The following SLC39A11 variants were observed in gnomAD, a reference collection of about 807,000 sequenced individuals.
The protein encoded by SLC39A11 is zinc transporter ZIP11.
A neutral mutation model predicts 36.1 loss-of-function variants in SLC39A11; 33 were observed. The ratio of observed to expected loss-of-function variants is 0.91; its 90% CI spans 0.69 to 1.22. SLC39A11 has a LOEUF of 1.22. SLC39A11 is among the 50% of genes most tolerant of loss of function. The pLI, the probability that SLC39A11 is intolerant of heterozygous loss-of-function variation, is 0.00. For missense variants in SLC39A11, 432 were observed against 430.3 expected, an observed-to-expected ratio of 1.00 and a Z score of -0.03; for synonymous variants, 166 against 170.3, an observed-to-expected ratio of 0.97 and a Z score of 0.20.
intron 6 of SLC39A11, among the ~76,000 whole-genome samples, chr17:72,835,353 C>G (rs527972700): frequency 6.6e-6 from 1 of 152,302 alleles, no homozygotes; most frequent in African/African-American, 2.4e-5. Flanking sequence ...TTTTGAGGAT[C>G]AAAGCAAGTT....
At chr17:73,004,030 A>G (rs565176205) in intron 4 of SLC39A11, among the ~76,000 whole-genome samples, 13 of 151,572 alleles carry the variant, frequency 8.6e-5, no homozygotes, top group East Asian at 7.8e-4. Context: ...AGGTTGCAGT[A>G]AGCCAAGATC....
intron 5 of SLC39A11, among the ~76,000 whole-genome samples, chr17:72,877,105 CA>C (rs1303599006): frequency 6.6e-6 from 1 of 152,166 alleles, no homozygotes; most frequent in Non-Finnish European, 1.5e-5. Flanking sequence ...TCAAAAGAGC[CA>C]AAAGAATCAT....
At chr17:72,899,518 T>G (rs1321592750) in intron 5 of SLC39A11, among the ~76,000 whole-genome samples, 2 of 152,164 alleles carry the variant, frequency 1.3e-5, no homozygotes, top group Non-Finnish European at 2.9e-5. Context: ...TTCCCCTCAT[T>G]ACTCTAACAC....
At chr17:72,866,213 G>A (rs563378158) in intron 5 of SLC39A11, among the ~76,000 whole-genome samples, 28 of 152,254 alleles carry the variant, frequency 1.8e-4, no homozygotes, top group Non-Finnish European at 2.8e-4. Flanking sequence ...ACAGGACCAC[G>A]AACCATATTG....
intron 7 of SLC39A11, among the ~76,000 whole-genome samples, chr17:72,700,596 C>T (rs1444081036): frequency 6.6e-6 from 1 of 152,186 alleles, no homozygotes; most frequent in African/African-American, 2.4e-5. Context: ...CAATCCAAGG[C>T]AAGGGCAAGA....
intron 5 of SLC39A11, among the ~76,000 whole-genome samples, chr17:72,866,140 C>A (rs1302766177): frequency 6.6e-6 from 1 of 152,198 alleles, no homozygotes; most frequent in African/African-American, 2.4e-5. Flanking sequence ...CAGCCGCTCC[C>A]CATCGTTCAC....
chr17:72,953,878 G>A (rs1004794013), intron 4 of SLC39A11, among the ~76,000 whole-genome samples: 9 of 152,166 alleles, frequency 5.9e-5, no homozygotes, highest in African/African-American at 1.2e-4. Context: ...GATTGTCAGC[G>A]TCTGGGAGGC....
chr17:72,817,778 A>G (rs1453666520), intron 6 of SLC39A11: 1 of 152,192 alleles, frequency 6.6e-6, no homozygotes, highest in Non-Finnish European at 1.5e-5. Flanking sequence ...TCTTGTCCCC[A>G]TGGTGGTCTG....
chr17:73,008,390 C>T (rs2090313315), intron 4 of SLC39A11, among the ~76,000 whole-genome samples: 1 of 152,156 alleles, frequency 6.6e-6, no homozygotes, highest in East Asian at 1.9e-4. Flanking sequence ...AAGCTCTACC[C>T]AAACAACCAC....
intron 3 of SLC39A11, among the ~76,000 whole-genome samples, chr17:73,040,839 G>T (rs1012995866): frequency 1.3e-5 from 2 of 151,892 alleles, no homozygotes; most frequent in Non-Finnish European, 2.9e-5. Context: ...ACAAAAATTA[G>T]CCAGGTGTGG....
At chr17:72,973,527 T>C (rs2087615208) in intron 4 of SLC39A11, among the ~76,000 whole-genome samples, 1 of 152,126 alleles carries the variant, frequency 6.6e-6, no homozygotes, top group Non-Finnish European at 1.5e-5. Context: ...TCAAACAGAA[T>C]TGGAGTTCTG....
rs548375808 is a variant in SLC39A11 at position 72,824,101 on chromosome 17, C to G, written c.601+25533G>C. Among the ~76,000 whole-genome samples, 3 of 151,362 alleles carry G rather than the reference C, an allele frequency of 2.0e-5. 1 individual carries two copies. The highest frequency in any genetic ancestry group is 4.4e-5 in the Non-Finnish European group (3 of 67,512). ...TATGGTTTGGATTTGGGTTCCCACC[C>G]AAATCTCATATCAAACTGTAATACC... On this transcript the variant is annotated intron_variant, in intron 6 of 9. Coordinates refer to ENST00000255559, the MANE Select transcript of SLC39A11 (RefSeq NM_139177.4).
intron 4 of SLC39A11, among the ~76,000 whole-genome samples, chr17:72,978,786 G>C (rs1259592523): frequency 6.6e-6 from 1 of 152,154 alleles, no homozygotes; most frequent in African/African-American, 2.4e-5. Flanking sequence ...GGTGCCAACA[G>C]CACTTGTTCA....
intron 4 of SLC39A11, among the ~76,000 whole-genome samples, chr17:72,965,217 G>A (rs1291823236): frequency 2.0e-5 from 3 of 151,786 alleles, no homozygotes; most frequent in Admixed American, 6.6e-5. Context: ...CCTGCACCTT[G>A]TGCACATGTA....
chr17:72,886,636 T>C (rs1487810182), intron 5 of SLC39A11, among the ~76,000 whole-genome samples: 2 of 152,194 alleles, frequency 1.3e-5, no homozygotes, highest in Non-Finnish European at 2.9e-5. Flanking sequence ...AACAATACTT[T>C]AGAATGTGTG....
chr17:72,704,670 G>A (rs1183860446), intron 7 of SLC39A11, among the ~76,000 whole-genome samples: 1 of 152,080 alleles, frequency 6.6e-6, no homozygotes, highest in Non-Finnish European at 1.5e-5. Context: ...AGGACCAGGG[G>A]TATGAAGGTC....
intron 5 of SLC39A11, among the ~76,000 whole-genome samples, chr17:72,917,922 T>G (rs1006853849): frequency 2.6e-5 from 4 of 152,154 alleles, no homozygotes; most frequent in African/African-American, 7.2e-5. Context: ...AGGGGTTAGG[T>G]GCTATAGGTG....
At chr17:73,051,056 C>A (rs2059480715) in intron 3 of SLC39A11, among the ~76,000 whole-genome samples, 1 of 152,210 alleles carries the variant, frequency 6.6e-6, no homozygotes, top group Non-Finnish European at 1.5e-5. Flanking sequence ...GAAATTCATT[C>A]TCTCACGGTT....
intron 6 of SLC39A11, among the ~76,000 whole-genome samples, chr17:72,812,847 C>T (rs535040817): frequency 3.9e-4 from 60 of 152,142 alleles, no homozygotes; most frequent in Non-Finnish European, 8.1e-4. Flanking sequence ...TTTTCATAAG[C>T]TCAGCATCCT....
Sources: gnomAD v4.1 joint callset for allele counts (sites outside exome capture counted in the v4.1 genomes callset) on GRCh38, gnomAD v4.1.1 for gene constraint, MANE v1.5 for transcripts, NCBI Gene and HGNC (gene_info 2026-07-23, HGNC 2026-07-21) for gene names.